Variants in SLC8A1 observed in about 807,000 individuals in gnomAD.
SLC8A1 encodes sodium/calcium exchanger 1.
In SLC8A1, 18 loss-of-function variants were observed where a neutral mutation model predicts 68.3. The observed-to-expected ratio is 0.26, with a 90% CI of 0.18 to 0.39. The LOEUF (loss-of-function observed/expected upper bound fraction) is 0.39, where lower values mean the gene tolerates loss of function less well. SLC8A1 is among the 10% of genes least tolerant of loss of function. The pLI is 1.00. For missense variants in SLC8A1, 985 were observed against 1,156.7 expected (o/e 0.85, Z 2.15); for synonymous variants, 475 against 415.5 (o/e 1.14, Z -1.74).
At chr2:40,295,488 A>G (rs983648964) in intron 2 of SLC8A1, among the ~76,000 whole-genome samples, 1 of 152,170 alleles carries the variant, frequency 6.6e-6, no homozygotes, top group Non-Finnish European at 1.5e-5. Flanking sequence ...TAATTTGTGC[A>G]TTTCCTTCTA....
rs1266991674 is a variant in SLC8A1 at position 40,502,271 on chromosome 2, C to A, written c.-25+10078G>T. 2.0e-5 allele frequency among the ~76,000 whole-genome samples: 3 copies of A among 152,074 alleles called. No individual in the cohort carries two copies. The East Asian group carries it at 5.8e-4, about 29-fold the overall frequency. ...TTCCTCATGTCATTCATCTAACCCA[C>A]TGAAGAAGGCACAATCATTTAGCCA... On this transcript the variant is annotated intron_variant, in intron 1 of 7. Transcript: ENST00000402441.
chr2:40,173,628 G>A (rs1010255016), intron 4 of SLC8A1, among the ~76,000 whole-genome samples: 1 of 152,178 alleles, frequency 6.6e-6, no homozygotes, highest in African/African-American at 2.4e-5. Context: ...AGTGGATTAA[G>A]TTCATCCCAA....
intron 7 of SLC8A1, among the ~76,000 whole-genome samples, chr2:40,132,365 C>T (rs1475214609): frequency 6.6e-6 from 1 of 151,810 alleles, no homozygotes; most frequent in East Asian, 2.0e-4. Flanking sequence ...TACTTGTATT[C>T]ACTCTCCTAT....
At chr2:40,445,857 T>C (rs66521967) in intron 1 of SLC8A1, among the ~76,000 whole-genome samples, 2 of 152,168 alleles carry the variant, frequency 1.3e-5, no homozygotes, top group Middle Eastern at 3.4e-3. Context: ...TGAGAGACAT[T>C]TGATGGGTAC....
intron 2 of SLC8A1, among the ~76,000 whole-genome samples, chr2:40,322,132 A>T (rs1002502425): frequency 1.3e-5 from 2 of 152,158 alleles, no homozygotes; most frequent in African/African-American, 4.8e-5. Context: ...GGATGAGCTT[A>T]AGAAAAGATT....
intron 2 of SLC8A1, among the ~76,000 whole-genome samples, chr2:40,372,740 T>C (rs1328559805): frequency 6.6e-6 from 1 of 152,134 alleles, no homozygotes; most frequent in African/African-American, 2.4e-5. Flanking sequence ...TAGGGAATCT[T>C]GCAGAAGATA....
chr2:40,471,730 A>C (rs1703999625), intron 1 of SLC8A1, among the ~76,000 whole-genome samples: 1 of 152,238 alleles, frequency 6.6e-6, no homozygotes, highest in Non-Finnish European at 1.5e-5. Context: ...TGATTAATGC[A>C]ATTGCAATAA....
chr2:40,447,919 G>C (rs1196000942), intron 1 of SLC8A1, among the ~76,000 whole-genome samples: 1 of 152,168 alleles, frequency 6.6e-6, no homozygotes, highest in Non-Finnish European at 1.5e-5. Flanking sequence ...AACTCACTAG[G>C]AAGTTTCAGG....
chr2:40,205,973 T>C (rs1038686287), intron 2 of SLC8A1, among the ~76,000 whole-genome samples: 1 of 151,990 alleles, frequency 6.6e-6, no homozygotes, highest in Non-Finnish European at 1.5e-5. Context: ...CTTGTATGAT[T>C]TGGTGACACA....
At chr2:40,458,912 G>A (rs1703179310) in intron 1 of SLC8A1, among the ~76,000 whole-genome samples, 3 of 152,020 alleles carry the variant, frequency 2.0e-5, no homozygotes, top group Non-Finnish European at 4.4e-5. Flanking sequence ...TATGTCAATC[G>A]TTGGTCATCA....
At chr2:40,330,415 C>G (rs2076292017) in intron 2 of SLC8A1, among the ~76,000 whole-genome samples, 1 of 152,080 alleles carries the variant, frequency 6.6e-6, no homozygotes, top group Non-Finnish European at 1.5e-5. Flanking sequence ...AAGAAAAGAA[C>G]AAAACCAACC....
intron 2 of SLC8A1, among the ~76,000 whole-genome samples, chr2:40,303,645 T>C (rs2071984372): frequency 6.6e-6 from 1 of 152,208 alleles, no homozygotes; most frequent in African/African-American, 2.4e-5. Context: ...GGCCTAGTTA[T>C]AAGCCGAAAT....
intron 2 of SLC8A1, chr2:40,250,457 T>C (rs910195830): frequency 6.6e-6 from 1 of 152,092 alleles, no homozygotes; most frequent in African/African-American, 2.4e-5. Flanking sequence ...ACAACAGAAA[T>C]GATCTGAATA....
At chr2:40,475,062 T>G (rs1704199444) in intron 1 of SLC8A1, among the ~76,000 whole-genome samples, 1 of 152,212 alleles carries the variant, frequency 6.6e-6, no homozygotes. Context: ...CGATTTGTTG[T>G]AATCTCAATG....
rs371377009 is a variant in SLC8A1, at chr2:40,274,462, G to C, written c.1809-96607C>G. On this transcript the variant is annotated intron_variant, in intron 2 of 7. Coordinates refer to ENST00000406785, the Ensembl canonical transcript of SLC8A1. ...TGGAATGGGGCTGTCTCTGGAAAATGAGCATGCCAGAGAAACCGTTTAACG... is the reference window on the plus strand; with the variant it reads ...TGGAATGGGGCTGTCTCTGGAAAATCAGCATGCCAGAGAAACCGTTTAACG... 4.6e-5 allele frequency among the ~76,000 whole-genome samples: 7 copies of C among 152,184 alleles called. No homozygotes were observed. In the East Asian group the frequency reaches 7.7e-4, roughly 17 times the overall value.
At chr2:40,205,315 T>C (rs2055191961) in intron 2 of SLC8A1, among the ~76,000 whole-genome samples, 1 of 151,976 alleles carries the variant, frequency 6.6e-6, no homozygotes, top group Non-Finnish European at 1.5e-5. Context: ...TAAGGCCCTC[T>C]CTCTAGCCTA....
intron 2 of SLC8A1, among the ~76,000 whole-genome samples, chr2:40,237,751 C>G (rs2060597144): frequency 6.6e-6 from 1 of 152,018 alleles, no homozygotes; most frequent in African/African-American, 2.4e-5. Context: ...TACTTTTGGT[C>G]TTTGATGATG....
chr2:40,160,404 G>T lies in SLC8A1; in HGVS notation c.2161+361C>A, dbSNP rs534851182. Among the ~76,000 whole-genome samples, 5 of 152,226 alleles carry T rather than the reference G, an allele frequency of 3.3e-5. No individual in the cohort carries two copies. The East Asian group carries it at 7.7e-4, about 24-fold the overall frequency. ...GTCTTCCCTTTCCACCTAGGATTTT[G>T]CTGCTTTTTTTCTTGACCTTGACTT... On this transcript the variant is annotated intron_variant, in intron 6 of 7. Transcript: ENST00000406785.
chr2:40,355,045 A>G (rs1199407259), intron 2 of SLC8A1, among the ~76,000 whole-genome samples: 1 of 152,180 alleles, frequency 6.6e-6, no homozygotes, highest in Non-Finnish European at 1.5e-5. Context: ...TCAAATACGT[A>G]TGGGAAATGC....
Sources: gnomAD v4.1 joint callset for allele counts (sites outside exome capture counted in the v4.1 genomes callset) on GRCh38, gnomAD v4.1.1 for gene constraint, MANE v1.5 for transcripts, NCBI Gene and HGNC (gene_info 2026-07-23, HGNC 2026-07-21) for gene names.